ZCCHC7: variants seen among roughly 807,000 people sequenced by gnomAD.
The protein encoded by ZCCHC7 is zinc finger CCHC domain-containing protein 7.
A neutral mutation model predicts 52.0 loss-of-function variants in ZCCHC7; 35 were observed. That is an observed-to-expected ratio of 0.67 (90% CI 0.51 to 0.89). The LOEUF (loss-of-function observed/expected upper bound fraction) is 0.89. Ranked by LOEUF, ZCCHC7 falls within the 40% of genes least tolerant of loss-of-function variation. The pLI is 0.00. For missense variants in ZCCHC7, 574 were observed against 649.1 expected, an observed-to-expected ratio of 0.88 and a Z score of 1.26; for synonymous variants, 217 against 221.5, an observed-to-expected ratio of 0.98 and a Z score of 0.18.
intron 2 of ZCCHC7, among the ~76,000 whole-genome samples, chr9:37,254,837 C>CTTTTTTTTTTTTTTT (rs59489076): frequency 3.9e-4 from 36 of 93,430 alleles, no homozygotes; most frequent in East Asian, 1.2e-3. Context: ...CAAAAAGTTT[C>CTTTTTTTTTTTTTTT]TTTTTTTTTT....
chr9:37,241,644 C>G (rs1825877878), intron 2 of ZCCHC7, among the ~76,000 whole-genome samples: 1 of 151,758 alleles, frequency 6.6e-6, no homozygotes, highest in African/African-American at 2.4e-5. Context: ...TCTTCTAAAA[C>G]ACTCCATTTT....
chr9:37,212,691 T>C (rs141478875), intron 2 of ZCCHC7, among the ~76,000 whole-genome samples: 1 of 152,208 alleles, frequency 6.6e-6, no homozygotes, highest in Non-Finnish European at 1.5e-5. Context: ...GATGAATTGC[T>C]TCTCTCTCAG....
At chr9:37,167,497 C>T (rs565374371) in intron 2 of ZCCHC7, among the ~76,000 whole-genome samples, 1 of 152,162 alleles carries the variant, frequency 6.6e-6, no homozygotes, top group South Asian at 2.1e-4. Flanking sequence ...ATGTTCTTGT[C>T]CCCTAATTTT....
At chr9:37,194,927 T>C (rs886406702) in intron 2 of ZCCHC7, among the ~76,000 whole-genome samples, 1 of 151,816 alleles carries the variant, frequency 6.6e-6, no homozygotes, top group Non-Finnish European at 1.5e-5. Context: ...AGAACTCAGA[T>C]TTCTTGGATT....
At chr9:37,186,741 A>C (rs1421424710) in intron 2 of ZCCHC7, 8 of 582,320 alleles carry the variant, frequency 1.4e-5, no homozygotes, top group Non-Finnish European at 2.3e-5. Flanking sequence ...TGAACTAACA[A>C]GATGAATTAA....
chr9:37,254,580 A>G (rs769072252), intron 2 of ZCCHC7, among the ~76,000 whole-genome samples: 33 of 151,992 alleles, frequency 2.2e-4, no homozygotes, highest in Non-Finnish European at 4.4e-4. Flanking sequence ...GCCCGCTAAT[A>G]TGTGTTTATT....
chr9:37,220,975 G>A (rs1001429364), intron 2 of ZCCHC7, among the ~76,000 whole-genome samples: 3 of 152,170 alleles, frequency 2.0e-5, no homozygotes, highest in Non-Finnish European at 4.4e-5. Flanking sequence ...CACACAAGTA[G>A]TAGAGTTGTC....
chr9:37,161,170 G>C (rs1223284268), intron 2 of ZCCHC7, among the ~76,000 whole-genome samples: 1 of 151,896 alleles, frequency 6.6e-6, no homozygotes. Flanking sequence ...GACTGGTCTT[G>C]AACTCCTGAC....
chr9:37,231,534 C>A (rs1464073229), intron 2 of ZCCHC7, among the ~76,000 whole-genome samples: 2 of 152,116 alleles, frequency 1.3e-5, no homozygotes, highest in Admixed American at 1.3e-4. Flanking sequence ...AAGCCACCTT[C>A]CTGAAAATTA....
At chr9:37,349,100 C>T (rs1022333349) in intron 6 of ZCCHC7, among the ~76,000 whole-genome samples, 4 of 152,014 alleles carry the variant, frequency 2.6e-5, no homozygotes, top group Admixed American at 6.5e-5. Flanking sequence ...TGTTGGATAC[C>T]GAACACAGTA....
intron 2 of ZCCHC7, among the ~76,000 whole-genome samples, chr9:37,154,808 C>G (rs956702772): frequency 6.6e-6 from 1 of 151,884 alleles, no homozygotes; most frequent in Non-Finnish European, 1.5e-5. Context: ...ATTAGAGAGT[C>G]CTGATCTCAG....
At chr9:37,120,369 G>A (rs1842247008), upstream of ZCCHC7, among the ~76,000 whole-genome samples, 1 of 152,220 alleles carries the variant, frequency 6.6e-6, no homozygotes, top group Non-Finnish European at 1.5e-5. Context: ...GAAGGGGAAG[G>A]GGGAAAGCAA....
intron 7 of ZCCHC7, among the ~76,000 whole-genome samples, chr9:37,350,082 C>A (rs1821274035): frequency 6.6e-6 from 1 of 150,760 alleles, no homozygotes; most frequent in East Asian, 1.9e-4. Flanking sequence ...GCTACCACAC[C>A]TGGCCGATTT....
chr9:37,283,520 A>T (rs1389387494), intron 2 of ZCCHC7, among the ~76,000 whole-genome samples: 1 of 152,012 alleles, frequency 6.6e-6, no homozygotes, highest in Non-Finnish European at 1.5e-5. Flanking sequence ...AATAGGGGAG[A>T]ATTTCACAGG....
At chr9:37,287,566 G>A (rs992918244) in intron 2 of ZCCHC7, among the ~76,000 whole-genome samples, 5 of 152,110 alleles carry the variant, frequency 3.3e-5, no homozygotes, top group Admixed American at 2.0e-4. Flanking sequence ...CAAGTTAGAC[G>A]GTAACAGAGG....
intron 2 of ZCCHC7, among the ~76,000 whole-genome samples, chr9:37,287,390 A>G (rs949084436): frequency 1.8e-4 from 27 of 152,120 alleles, no homozygotes; most frequent in African/African-American, 5.6e-4. Flanking sequence ...AGTTGTATGT[A>G]ATAATTTCCA....
At chr9:37,258,319 C>T (rs13296785) in intron 2 of ZCCHC7, among the ~76,000 whole-genome samples, 10,655 of 152,156 alleles carry the variant, frequency 0.07, 503 homozygotes, top group Non-Finnish European at 0.11. Flanking sequence ...TAAGATATCT[C>T]CTCACAGTAG....
chr9:37,184,203 T>A (rs966376140), intron 2 of ZCCHC7, among the ~76,000 whole-genome samples: 1 of 152,256 alleles, frequency 6.6e-6, no homozygotes, highest in African/African-American at 2.4e-5. Context: ...TGTTTTTGTG[T>A]CATACTTTGT....
In ZCCHC7 at chr9:37,257,873, G is replaced by T. The variant is rs182918613; in HGVS notation, c.611-44315G>T. ...TGGTGCCATGCTTCTTTTGTATATA[G>T]CCTGCTGAAGAGTGAACCAAATAAA... On this transcript the variant is annotated intron_variant, in intron 2 of 8. Coordinates refer to ENST00000336755, the MANE Select transcript of ZCCHC7 (RefSeq NM_032226.3). Among the ~76,000 whole-genome samples the T allele has an allele frequency of 1.6e-3, 243 of 152,200 alleles. 1 individual carries two copies. The highest frequency in any genetic ancestry group is 5.6e-3 in the African/African-American group (233 of 41,530).
Sources: gnomAD v4.1 joint callset for allele counts (sites outside exome capture counted in the v4.1 genomes callset) on GRCh38, gnomAD v4.1.1 for gene constraint, MANE v1.5 for transcripts, NCBI Gene and HGNC (gene_info 2026-07-23, HGNC 2026-07-21) for gene names.